Variants in OSBPL5 observed in about 807,000 individuals in gnomAD.
OSBPL5 encodes oxysterol-binding protein-related protein 5.
Under a neutral mutation model 111.2 loss-of-function variants are expected in OSBPL5, and 71 were observed. That is an observed-to-expected ratio of 0.64 (90% confidence interval 0.53 to 0.78). The LOEUF is 0.78. OSBPL5 is among the 30% of genes least tolerant of loss of function. The pLI is 0.00. For missense variants in OSBPL5, 1,210 were observed against 1,189.3 expected (o/e 1.02, Z -0.26); for synonymous variants, 549 against 513.9 (o/e 1.07, Z -0.93).
At chr11:3,145,649 C>T (rs1846315701) in intron 1 of OSBPL5, among the ~76,000 whole-genome samples, 1 of 152,184 alleles carries the variant, frequency 6.6e-6, no homozygotes, top group Admixed American at 6.5e-5. Flanking sequence ...GGGGCTGCTT[C>T]CTGGAGGACA....
chr11:3,133,541 C>T (rs574760347), intron 1 of OSBPL5, among the ~76,000 whole-genome samples: 27 of 150,960 alleles, frequency 1.8e-4, no homozygotes, highest in Non-Finnish European at 3.1e-4. Context: ...GTGGCGGTCG[C>T]TCTCAGCGGC....
intron 3 of OSBPL5, among the ~76,000 whole-genome samples, chr11:3,125,820 A>C (rs1479208064): frequency 5.3e-5 from 8 of 149,848 alleles, no homozygotes; most frequent in East Asian, 1.9e-4. Context: ...AAAAAAAAAA[A>C]AAATACAAAA....
chr11:3,144,751 A>C (rs539717931), intron 1 of OSBPL5, among the ~76,000 whole-genome samples: 4 of 152,338 alleles, frequency 2.6e-5, no homozygotes, highest in African/African-American at 7.2e-5. Context: ...GCCAACCCCC[A>C]GTCCCCCAAG....
intron 14 of OSBPL5, among the ~76,000 whole-genome samples, chr11:3,095,134 T>G (rs978980726): frequency 6.6e-6 from 1 of 150,384 alleles, no homozygotes. Flanking sequence ...CCCTGGCCCA[T>G]GAGCACGATG....
intron 1 of OSBPL5, among the ~76,000 whole-genome samples, chr11:3,147,345 G>GCTCCTGCCT (rs1426331407): frequency 6.6e-6 from 1 of 152,240 alleles, no homozygotes; most frequent in East Asian, 1.9e-4. Context: ...CCTGGGCACG[G>GCTCCTGCCT]CTCCTGCCTC....
intron 1 of OSBPL5, among the ~76,000 whole-genome samples, chr11:3,150,254 C>T (rs538760258): frequency 2.6e-5 from 4 of 152,246 alleles, no homozygotes; most frequent in Non-Finnish European, 2.9e-5. Context: ...CCCAAGTCCC[C>T]GGGGGGAGCA....
chr11:3,163,079 G>A (rs1847013419), intron 1 of OSBPL5, among the ~76,000 whole-genome samples: 1 of 152,166 alleles, frequency 6.6e-6, no homozygotes, highest in African/African-American at 2.4e-5. Context: ...GCAACCCTGG[G>A]CCTCGGCCCC....
intron 6 of OSBPL5, chr11:3,119,967 G>C: frequency 9.5e-6 from 4 of 422,080 alleles, no homozygotes; most frequent in Non-Finnish European, 1.3e-5. Flanking sequence ...GCTTTTTGGT[G>C]TAAGTATTTC....
chr11:3,132,571 A>C (rs930321987), intron 1 of OSBPL5, among the ~76,000 whole-genome samples: 1 of 150,118 alleles, frequency 6.7e-6, no homozygotes, highest in Non-Finnish European at 1.5e-5. Context: ...CCCATTCCCC[A>C]GCCCACTCTG....
intron 1 of OSBPL5, among the ~76,000 whole-genome samples, chr11:3,138,135 G>A (rs1846000884): frequency 6.6e-6 from 1 of 152,156 alleles, no homozygotes; most frequent in Non-Finnish European, 1.5e-5. Context: ...GCCCGTCCCC[G>A]GCCCTGTCCA....
At chr11:3,159,287 G>A (rs61870244) in intron 1 of OSBPL5, among the ~76,000 whole-genome samples, 31,382 of 152,144 alleles carry the variant, frequency 0.21, 3,498 homozygotes, top group Non-Finnish European at 0.25. Flanking sequence ...TACCTCTGTA[G>A]CTCGTCTTTG....
Position 3,131,359 on chromosome 11 carries a change from A to G in OSBPL5, c.-21-2190T>C, listed in dbSNP as rs1278971853. On this transcript the variant is annotated intron_variant, in intron 1 of 21. Coordinates refer to ENST00000263650, the MANE Select transcript of OSBPL5 (RefSeq NM_020896.4). ...CTCCCTTCCAGGCATCCATCCATCC[A>G]TCCATCCACCCACCCACCCATTCAT... Among the ~76,000 whole-genome samples the G allele has an allele frequency of 4.0e-5, 6 of 151,084 alleles. No homozygotes were observed. The East Asian group carries it at 1.2e-3, about 29-fold the overall frequency.
intron 1 of OSBPL5, among the ~76,000 whole-genome samples, chr11:3,157,021 C>T (rs879942483): frequency 2.0e-5 from 3 of 152,250 alleles, no homozygotes; most frequent in East Asian, 1.9e-4. Context: ...CTCCTCGGGG[C>T]CCCCAAGGGC....
intron 7 of OSBPL5, among the ~76,000 whole-genome samples, chr11:3,118,814 C>A (rs1858300292): frequency 1.3e-5 from 2 of 152,060 alleles, no homozygotes; most frequent in South Asian, 2.1e-4. Context: ...GGTGATCCAC[C>A]TGCCTCAGCC....
chr11:3,143,038 G>A (rs111256699), intron 1 of OSBPL5, among the ~76,000 whole-genome samples: 2 of 76,312 alleles, frequency 2.6e-5, no homozygotes, highest in Non-Finnish European at 5.2e-5. Context: ...TGCGGGGGGG[G>A]GCAGAGGAGG....
rs780295645 is a variant in OSBPL5 at position 3,092,568 on chromosome 11, C to T, written c.2133-10G>A. 3.8e-6 allele frequency: 6 copies of T among 1,578,536 alleles called. No homozygotes were observed. In the East Asian group the frequency reaches 1.2e-4, roughly 30 times the overall value. On this transcript the variant is annotated splice_polypyrimidine_tract_variant and intron_variant, in intron 18 of 21. Transcript: ENST00000263650. This position sits in a 1 kb window ranked among gnomAD's most constrained non-coding sequence, Gnocchi z 5.4. ...GTCCCAGGGGCTGTGGCTGGAGGGT[C>T]CAGAGGGCGTTCATCAGCACAGGCA...
chr11:3,135,245 C>A (rs1845917675), intron 1 of OSBPL5, among the ~76,000 whole-genome samples: 1 of 152,268 alleles, frequency 6.6e-6, no homozygotes, highest in East Asian at 1.9e-4. Flanking sequence ...CAAGGGGACA[C>A]TGGCCCAGCT....
intron 7 of OSBPL5, among the ~76,000 whole-genome samples, chr11:3,114,590 G>GCCTT (rs1858137881): frequency 1.7e-5 from 1 of 58,280 alleles, no homozygotes; most frequent in Non-Finnish European, 3.1e-5. Context: ...TTAGAACAAT[G>GCCTT]ATTTTTTTTT....
chr11:3,163,413 C>T (rs1229364261), intron 1 of OSBPL5, among the ~76,000 whole-genome samples: 1 of 152,078 alleles, frequency 6.6e-6, no homozygotes, highest in Non-Finnish European at 1.5e-5. Context: ...TTCTCCCTCC[C>T]CCAAGCGTTA....
Sources: gnomAD v4.1 joint callset for allele counts (sites outside exome capture counted in the v4.1 genomes callset) on GRCh38, gnomAD v4.1.1 for gene constraint, Gnocchi (gnomAD v3.1) non-coding constraint, MANE v1.5 for transcripts, NCBI Gene and HGNC (gene_info 2026-07-23, HGNC 2026-07-21) for gene names.